CENPP: variants seen among roughly 807,000 people sequenced by gnomAD.
CENPP encodes the protein centromere protein P.
In CENPP, 24 loss-of-function variants were observed where a neutral mutation model predicts 35.6. That is an observed-to-expected ratio of 0.67 (90% CI 0.49 to 0.95). The LOEUF is 0.95. Among genes scored for constraint, CENPP ranks in the 40% least tolerant of loss-of-function variants. CENPP has a pLI of 0.00. For missense variants in CENPP, 332 were observed against 345.3 expected (o/e 0.96, Z 0.31); for synonymous variants, 120 against 125.5 (o/e 0.96, Z 0.29).
intron 5 of CENPP, chr9:92,495,830 G>A: frequency 1.0e-6 from 1 of 962,390 alleles, no homozygotes; most frequent in Non-Finnish European, 1.2e-6. Context: ...AGTAATTATA[G>A]CACAGGACCT....
chr9:92,340,434 C>T (rs946013477), intron 3 of CENPP: 1 of 152,186 alleles, frequency 6.6e-6, no homozygotes, highest in Non-Finnish European at 1.5e-5. Context: ...CTTCAGTCAC[C>T]TTAAACCTCT....
chr9:92,328,517 T>C (rs1840639393), intron 1 of CENPP, among the ~76,000 whole-genome samples: 1 of 152,228 alleles, frequency 6.6e-6, no homozygotes, highest in African/African-American at 2.4e-5. Flanking sequence ...CCCAAGTTTT[T>C]GGGTTGCTGT....
chr9:92,401,113 GT>G, intron 5 of CENPP: 1 of 1,505,876 alleles, frequency 6.6e-7, no homozygotes, highest in Non-Finnish European at 9.2e-7. Context: ...TTCTTGGGAG[GT>G]AATGGTGTTA....
chr9:92,390,538 G>T (rs1842629865), intron 5 of CENPP, among the ~76,000 whole-genome samples: 1 of 151,376 alleles, frequency 6.6e-6, no homozygotes, highest in Admixed American at 6.6e-5. Flanking sequence ...ATTTGTTAAA[G>T]TGACACAGAT....
intron 5 of CENPP, chr9:92,515,023 T>C (rs1277452438): frequency 1.9e-6 from 3 of 1,614,046 alleles, no homozygotes; most frequent in African/African-American, 2.7e-5. Flanking sequence ...TGTATCTTCT[T>C]CTTTCACTTC....
At chr9:92,535,799 C>A in intron 5 of CENPP, 2 of 296,958 alleles carry the variant, frequency 6.7e-6, no homozygotes, top group Non-Finnish European at 1.3e-5. Flanking sequence ...CAGAATAATG[C>A]ATACTTTGAA....
At chr9:92,463,676 T>C (rs895636711) in intron 5 of CENPP, among the ~76,000 whole-genome samples, 4 of 152,212 alleles carry the variant, frequency 2.6e-5, no homozygotes, top group Admixed American at 2.6e-4. Context: ...TTCCAGCAGA[T>C]GAAAGGGATT....
At chr9:92,399,766 T>TTTTTAAA (rs1447121105) in intron 5 of CENPP, among the ~76,000 whole-genome samples, 1 of 152,230 alleles carries the variant, frequency 6.6e-6, no homozygotes, top group African/African-American at 2.4e-5. Flanking sequence ...CCATTTTTGC[T>TTTTTAAA]TCAGTGATTT....
intron 5 of CENPP, chr9:92,495,492 C>T (rs1846303680): frequency 1.0e-6 from 1 of 983,170 alleles, no homozygotes; most frequent in Non-Finnish European, 1.2e-6. Flanking sequence ...TTTACCTTTA[C>T]AAGGTTATAG....
intron 5 of CENPP, chr9:92,514,878 C>A: frequency 6.2e-7 from 1 of 1,613,356 alleles, no homozygotes; most frequent in Non-Finnish European, 8.5e-7. Flanking sequence ...CCTCCTCCTC[C>A]CTTCCTTGGC....
intron 5 of CENPP, among the ~76,000 whole-genome samples, chr9:92,589,356 A>T (rs577789228): frequency 2.3e-4 from 35 of 151,198 alleles, no homozygotes; most frequent in South Asian, 1.1e-3. Flanking sequence ...AAAAAAAAAA[A>T]TTTTTTTTTA....
chr9:92,328,796 T>G (rs1840647157), intron 1 of CENPP, among the ~76,000 whole-genome samples: 1 of 152,258 alleles, frequency 6.6e-6, no homozygotes, highest in African/African-American at 2.4e-5. Context: ...CACAAATATT[T>G]TGCTCAAACT....
At chr9:92,475,709 C>T (rs1256663937) in intron 5 of CENPP, among the ~76,000 whole-genome samples, 1 of 152,220 alleles carries the variant, frequency 6.6e-6, no homozygotes, top group African/African-American at 2.4e-5. Context: ...ACCTCACTCT[C>T]ATAGTTGGTC....
chr9:92,443,878 G>T (rs1453012143), intron 5 of CENPP, among the ~76,000 whole-genome samples: 1 of 151,978 alleles, frequency 6.6e-6, no homozygotes, highest in Non-Finnish European at 1.5e-5. Flanking sequence ...GGCCAGGCTG[G>T]TCTCAAACTC....
intron 1 of CENPP, among the ~76,000 whole-genome samples, chr9:92,329,341 T>C (rs1009577112): frequency 6.6e-6 from 1 of 151,814 alleles, no homozygotes; most frequent in African/African-American, 2.4e-5. Context: ...CCCGCCACCA[T>C]GCCCAGCTAA....
At chr9:92,387,296 A>G (rs1465392130) in intron 5 of CENPP, among the ~76,000 whole-genome samples, 1 of 151,672 alleles carries the variant, frequency 6.6e-6, no homozygotes, top group African/African-American at 2.4e-5. Flanking sequence ...GAATTGCTTG[A>G]ACCCAGGGGG....
At chr9:92,546,625 A>G (rs1849461154) in intron 5 of CENPP, among the ~76,000 whole-genome samples, 1 of 152,192 alleles carries the variant, frequency 6.6e-6, no homozygotes, top group Non-Finnish European at 1.5e-5. Flanking sequence ...GGAACACCAG[A>G]AGGAACAAAC....
intron 5 of CENPP, among the ~76,000 whole-genome samples, chr9:92,552,056 ATATATGTGATATGATAGAT>A: frequency 7.5e-6 from 1 of 133,174 alleles, no homozygotes; most frequent in African/African-American, 3.1e-5. Flanking sequence ...TAGGTCTATC[ATATATGTGATATGATAGAT>A]CTATCATATA....
Position 92,587,075 on chromosome 9 carries a change from C to G in CENPP, c.565-24239C>G, listed in dbSNP as rs923529228. Among the ~76,000 whole-genome samples, 3 of 152,104 alleles carry G rather than the reference C, an allele frequency of 2.0e-5. No homozygotes were observed. The East Asian group carries it at 5.8e-4, about 29-fold the overall frequency. On this transcript the variant is annotated intron_variant, in intron 5 of 7. Transcript: ENST00000375587. Reference sequence around the variant, plus strand: ...CAGAATTGGACTTACTAGACAAACACTTTTAATGAACAACTGTCCTAAATA... The same window carrying G: ...CAGAATTGGACTTACTAGACAAACAGTTTTAATGAACAACTGTCCTAAATA...
Sources: allele counts gnomAD v4.1 joint callset (sites outside exome capture counted in the v4.1 genomes callset), GRCh38; gene constraint gnomAD v4.1.1; transcripts MANE v1.5; gene names NCBI Gene and HGNC (gene_info 2026-07-23, HGNC 2026-07-21).